The following BCAS3 variants were observed in gnomAD, a reference collection of about 807,000 sequenced individuals.
The protein encoded by BCAS3 is BCAS4/BCAS3 fusion.
BCAS3 carries 53 observed loss-of-function variants against 116.1 expected under a neutral mutation model. That is an observed-to-expected ratio of 0.46 (90% CI 0.37 to 0.57). The LOEUF (loss-of-function observed/expected upper bound fraction) is 0.57. BCAS3 is among the 20% of genes least tolerant of loss of function. BCAS3 has a pLI of 0.00. For missense variants in BCAS3, 917 were observed against 1,165.4 expected (o/e 0.79, Z 3.10); for synonymous variants, 391 against 408.2 (o/e 0.96, Z 0.51).
intron 12 of BCAS3, among the ~76,000 whole-genome samples, chr17:60,921,291 G>A (rs1009904871): frequency 2.6e-5 from 4 of 152,086 alleles, no homozygotes; most frequent in Non-Finnish European, 5.9e-5. Flanking sequence ...AAAACCTTAA[G>A]CAAATCAATG....
intron 22 of BCAS3, among the ~76,000 whole-genome samples, chr17:61,298,221 A>G (rs2053111372): frequency 6.6e-6 from 1 of 152,138 alleles, no homozygotes; most frequent in Non-Finnish European, 1.5e-5. Flanking sequence ...TCAGCAAAAC[A>G]CTTCAGTAAA....
Position 60,924,431 on chromosome 17 carries a change from A to C in BCAS3, c.1018A>C (p.Ser340Arg). 6.2e-7 allele frequency: 1 copy of C among 1,613,332 alleles called. No homozygotes were observed. The highest frequency in any genetic ancestry group is 8.5e-7 in the Non-Finnish European group (1 of 1,179,830). Residue 340 changes from serine (S) to arginine (R), a missense_variant, in exon 13 of 24, where the codon AGT (serine) becomes CGT (arginine). Ser to Arg is a moderately radical substitution (Grantham distance 110). Transcript: ENST00000407086. ...GQVLVSEDSD[S>R]DGIVAHFPAH... ...GGTGCTTGTGAGTGAGGATTCTGACAGTGATGGCATTGTGGCCCACTTCCC... is the reference window on the plus strand; with the variant it reads ...GGTGCTTGTGAGTGAGGATTCTGACCGTGATGGCATTGTGGCCCACTTCCC...
rs894968717 is a variant in BCAS3 at position 60,962,476 on chromosome 17, A to G, written c.1221+15124A>G. On this transcript the variant is annotated intron_variant, in intron 14 of 23. Transcript: ENST00000407086. The surrounding 1 kb of genome is among the most constrained non-coding windows in gnomAD (Gnocchi z 4.4). Reference sequence around the variant, plus strand: ...TTTCATATACCTATTGGCCATTTGCATGTCTTCTTTTGAGAAATGTGTGTT... The same window carrying G: ...TTTCATATACCTATTGGCCATTTGCGTGTCTTCTTTTGAGAAATGTGTGTT... 6.6e-6 allele frequency among the ~76,000 whole-genome samples: 1 copy of G among 151,920 alleles called. No homozygotes were observed. The highest frequency in any genetic ancestry group is 2.1e-4 in the South Asian group (1 of 4,824).
intron 8 of BCAS3, among the ~76,000 whole-genome samples, chr17:60,872,685 T>C (rs1259076675): frequency 1.3e-5 from 2 of 149,588 alleles, no homozygotes; most frequent in Non-Finnish European, 3.0e-5. Flanking sequence ...TACACACACA[T>C]ACACCATATA....
chr17:61,146,345 T>C (rs2077210857), intron 22 of BCAS3, among the ~76,000 whole-genome samples: 1 of 151,524 alleles, frequency 6.6e-6, no homozygotes, highest in Admixed American at 6.6e-5. Flanking sequence ...CTCGAACTCC[T>C]GGGTTCAGGG....
At chr17:60,945,252 T>C (rs952803008) in intron 13 of BCAS3, among the ~76,000 whole-genome samples, 3 of 152,126 alleles carry the variant, frequency 2.0e-5, no homozygotes, top group African/African-American at 7.2e-5. Flanking sequence ...TCAAAATAGA[T>C]CTAAATCAAG....
rs528665121 is a variant in BCAS3 at position 61,226,228 on chromosome 17, A to G, written c.2425+141664A>G. On this transcript the variant is annotated intron_variant, in intron 22 of 23. Transcript: ENST00000407086. This position sits in a 1 kb window ranked among gnomAD's most constrained non-coding sequence, Gnocchi z 6.0. ...ATATCCACTGACCATAATAGTGTCT[A>G]TCAAATGCATTTTCACATTCTTGTT... 3.5e-4 allele frequency among the ~76,000 whole-genome samples: 54 copies of G among 152,344 alleles called. No individual in the cohort carries two copies. The highest frequency in any genetic ancestry group is 1.3e-3 in the African/African-American group (53 of 41,592).
Position 61,327,667 on chromosome 17 carries a change from A to G in BCAS3, c.2426-40660A>G, listed in dbSNP as rs1024844683. 3.9e-5 allele frequency among the ~76,000 whole-genome samples: 6 copies of G among 152,030 alleles called. No individual in the cohort carries two copies. The East Asian group carries it at 9.7e-4, about 25-fold the overall frequency. ...TGGGATTACAGGCATGTACCACCAA[A>G]CCCCACTAATTTTTGTATTTTTGGT... On this transcript the variant is annotated intron_variant, in intron 22 of 23. Transcript: ENST00000407086. The surrounding 1 kb of genome is among the most constrained non-coding windows in gnomAD (Gnocchi z 5.9).
At chr17:60,892,230 C>G (rs1048566463) in intron 10 of BCAS3, among the ~76,000 whole-genome samples, 2 of 151,456 alleles carry the variant, frequency 1.3e-5, no homozygotes, top group African/African-American at 4.8e-5. Context: ...TCTCCATACT[C>G]TTTTCCATTT....
At chr17:60,920,601 T>G (rs1599691050) in intron 12 of BCAS3, among the ~76,000 whole-genome samples, 1 of 152,168 alleles carries the variant, frequency 6.6e-6, no homozygotes, top group African/African-American at 2.4e-5. Context: ...CTGGGCCTGG[T>G]GGCTCATGCC....
At chr17:61,290,974 G>A (rs1309417409) in intron 22 of BCAS3, among the ~76,000 whole-genome samples, 1 of 152,046 alleles carries the variant, frequency 6.6e-6, no homozygotes, top group African/African-American at 2.4e-5. Flanking sequence ...TAGAGACGGG[G>A]TTTCACCATG....
intron 22 of BCAS3, among the ~76,000 whole-genome samples, chr17:61,320,912 G>A (rs1334243272): frequency 2.0e-5 from 3 of 152,168 alleles, no homozygotes; most frequent in African/African-American, 7.2e-5. Context: ...CGTGTGTAAT[G>A]TTTTACAAAG....
chr17:61,146,926 T>G (rs77644671), intron 22 of BCAS3, among the ~76,000 whole-genome samples: 2 of 152,190 alleles, frequency 1.3e-5, no homozygotes, highest in East Asian at 3.9e-4. Flanking sequence ...TTAAAAAAAA[T>G]TTTTTTAAGA....
chr17:60,688,646 C>T (rs1300019706), intron 3 of BCAS3, among the ~76,000 whole-genome samples: 1 of 152,026 alleles, frequency 6.6e-6, no homozygotes, highest in Non-Finnish European at 1.5e-5. Context: ...GAAACCCCGT[C>T]TCCACCAAAA....
Position 61,081,092 on chromosome 17 carries a change from T to G in BCAS3, c.2327+2563T>G, listed in dbSNP as rs547207814. On this transcript the variant is annotated intron_variant, in intron 21 of 23. Coordinates refer to ENST00000407086, the MANE Select transcript of BCAS3 (RefSeq NM_017679.5). The stretch of plus-strand genomic sequence containing the variant: ...TCAACTTAGTGATTCAGTGTACTCG[T>G]GTTTACAACAGTCATTTGGTTATTT... Among the ~76,000 whole-genome samples, 15 of 152,380 alleles carry G rather than the reference T, an allele frequency of 9.8e-5. No homozygotes were observed. The South Asian group carries it at 3.1e-3, about 32-fold the overall frequency.
At chr17:61,310,382 C>T (rs535409481) in intron 22 of BCAS3, among the ~76,000 whole-genome samples, 1 of 152,098 alleles carries the variant, frequency 6.6e-6, no homozygotes, top group African/African-American at 2.4e-5. Context: ...GGAGAAACCC[C>T]GTCTCTACTA....
intron 22 of BCAS3, among the ~76,000 whole-genome samples, chr17:61,312,884 C>T (rs920326011): frequency 1.3e-5 from 2 of 152,194 alleles, no homozygotes; most frequent in African/African-American, 4.8e-5. Flanking sequence ...CACAAGATGG[C>T]CTCTTCACAA....
At chr17:61,049,688 G>A (rs1421235266) in intron 19 of BCAS3, among the ~76,000 whole-genome samples, 1 of 150,754 alleles carries the variant, frequency 6.6e-6, no homozygotes, top group Non-Finnish European at 1.5e-5. Context: ...ACACACCAAG[G>A]AGCAAAGATA....
chr17:61,238,318 T>C (rs2083226509), intron 22 of BCAS3, among the ~76,000 whole-genome samples: 1 of 149,600 alleles, frequency 6.7e-6, no homozygotes, highest in Admixed American at 6.7e-5. Flanking sequence ...CGCCTTCCAG[T>C]TTCAAGCGAT....
Sources: gnomAD v4.1 joint callset for allele counts (sites outside exome capture counted in the v4.1 genomes callset) on GRCh38, gnomAD v4.1.1 for gene constraint, Gnocchi (gnomAD v3.1) non-coding constraint, MANE v1.5 for transcripts, NCBI Gene and HGNC (gene_info 2026-07-23, HGNC 2026-07-21) for gene names.